Variants in SLC12A2 observed in about 807,000 individuals in gnomAD.
SLC12A2 encodes Na-K-2Cl cotransporter 1.
In SLC12A2, 67 loss-of-function variants were observed where a neutral mutation model predicts 136.3. The observed-to-expected ratio is 0.49, with a 90% CI of 0.40 to 0.60. SLC12A2 has a LOEUF of 0.60. SLC12A2 is among the 20% of genes least tolerant of loss of function. The pLI is 0.00. For missense variants in SLC12A2, 1,322 were observed against 1,534.7 expected (o/e 0.86, Z 2.32); for synonymous variants, 619 against 562.9 (o/e 1.10, Z -1.41).
rs1293412288 is a variant in SLC12A2 at position 128,112,828 on chromosome 5, T to C, written c.771T>C (p.Asp257=). The C allele has an allele frequency of 3.7e-6, 6 of 1,609,390 alleles. No homozygotes were observed. In the African/African-American group the frequency reaches 8.0e-5, roughly 22 times the overall value. The change falls in exon 2 of 27, where the codon GAT becomes GAC. Residue 257 remains aspartate, a synonymous_variant. Coordinates refer to ENST00000262461, the MANE Select transcript of SLC12A2 (RefSeq NM_001046.3). ...HDELEKEPFE[D]GFANGEESTP... is the part of the protein sequence containing the mutation. ...TTTATAACCAGGAACCTTTTGAGGA[T>C]GGCTTTGCAAATGGGGAAGAAAGTA...
At chr5:128,140,892 A>ACT (rs2126711143) in intron 9 of SLC12A2, among the ~76,000 whole-genome samples, 1 of 151,582 alleles carries the variant, frequency 6.6e-6, no homozygotes, top group East Asian at 1.9e-4. Context: ...AAAACAAAGA[A>ACT]CTGTATAGTC....
chr5:128,149,956 G>A (rs1762646482), intron 12 of SLC12A2, 41 bp from the exon 13 acceptor site: 2 of 1,307,812 alleles, frequency 1.5e-6, no homozygotes, highest in Non-Finnish European at 2.2e-6. Context: ...AAAGTTAAAT[G>A]TCTAATACGT....
At chr5:128,121,610 C>T in intron 4 of SLC12A2, among the ~76,000 whole-genome samples, 1 of 152,160 alleles carries the variant, frequency 6.6e-6, no homozygotes, top group East Asian at 1.9e-4. Context: ...GCTTGAGACA[C>T]TGCGCCCGGC....
intron 1 of SLC12A2, among the ~76,000 whole-genome samples, chr5:128,092,299 A>C (rs944323900): frequency 1.3e-5 from 2 of 152,230 alleles, no homozygotes; most frequent in Non-Finnish European, 2.9e-5. Flanking sequence ...GAACCATTGC[A>C]GTAGCCAAGA....
chr5:128,167,054 G>A (rs1027406654), intron 17 of SLC12A2, among the ~76,000 whole-genome samples: 6 of 151,782 alleles, frequency 4.0e-5, no homozygotes, highest in East Asian at 1.9e-4. Context: ...ACTTTATATT[G>A]TATTAGCTAT....
intron 1 of SLC12A2, among the ~76,000 whole-genome samples, chr5:128,086,199 G>A (rs949656959): frequency 2.0e-5 from 3 of 152,112 alleles, no homozygotes; most frequent in African/African-American, 7.2e-5. Context: ...CCAATTGAAA[G>A]GTATATATGT....
chr5:128,083,826 C>A lies in SLC12A2; in HGVS notation c.-129C>A, dbSNP rs929844498. Reference sequence around the variant, plus strand: ...GTGGCCGTCCAGGCTAGCGGCGGCCCGCAGGCGGCGGGGAGAAAGACTCTC... The same window carrying A: ...GTGGCCGTCCAGGCTAGCGGCGGCCAGCAGGCGGCGGGGAGAAAGACTCTC... On this transcript the variant is annotated 5_prime_UTR_variant, in exon 1 of 27. Transcript: ENST00000262461. The A allele has an allele frequency of 1.4e-6, 1 of 707,666 alleles. No individual in the cohort carries two copies. Among genetic ancestry groups the A allele is most frequent in the Non-Finnish European group, 1.9e-6 (1 of 516,144 alleles). 43.8% of individuals were successfully genotyped at this position (707,666 alleles called of 1,614,324 possible). A position where few individuals can be genotyped will look rare whatever the true frequency, so the allele number is the denominator to read the frequency against.
chr5:128,111,764 C>CA (rs374353989), intron 1 of SLC12A2, among the ~76,000 whole-genome samples: 622 of 60,026 alleles, frequency 0.01, 5 homozygotes, highest in African/African-American at 0.024. Flanking sequence ...GACTCCATCT[C>CA]AAAAAAAAAA....
chr5:128,116,000 T>C (rs1190845724), intron 4 of SLC12A2, among the ~76,000 whole-genome samples: 1 of 152,062 alleles, frequency 6.6e-6, no homozygotes, highest in African/African-American at 2.4e-5. Flanking sequence ...TATTGGGATA[T>C]ACAGTGTGGA....
intron 23 of SLC12A2, among the ~76,000 whole-genome samples, chr5:128,182,225 A>C (rs1432012774): frequency 6.6e-6 from 1 of 152,150 alleles, no homozygotes; most frequent in African/African-American, 2.4e-5. Flanking sequence ...ATTACAAATA[A>C]AATTGCATTT....
rs1760093557 is a variant in SLC12A2 at position 128,086,194 on chromosome 5, T to A, written c.756+1484T>A. Among the ~76,000 whole-genome samples the A allele has an allele frequency of 1.3e-5, 2 of 152,202 alleles. 1 individual carries two copies. The highest frequency in any genetic ancestry group is 4.1e-4 in the South Asian group (2 of 4,834). On this transcript the variant is annotated intron_variant, in intron 1 of 26. Transcript: ENST00000262461. ...CATAAGTTTTAGAAAGACATCCAATTGAAAGGTATATATGTTGAGCTTATA... is the reference window on the plus strand; with the variant it reads ...CATAAGTTTTAGAAAGACATCCAATAGAAAGGTATATATGTTGAGCTTATA...
rs376774055 is a variant in SLC12A2 at position 128,126,965 on chromosome 5, TA to T, written c.1049-4101del. The stretch of plus-strand genomic sequence containing the variant: ...ACATATATATATATATATATATATA[TA>T]TTTTTTTTTTTTTTTTTTTTTGCAT... On this transcript the variant is annotated intron_variant, in intron 4 of 26. Coordinates refer to ENST00000262461, the MANE Select transcript of SLC12A2 (RefSeq NM_001046.3). Among the ~76,000 whole-genome samples, 66 of 53,148 alleles carry T rather than the reference TA, an allele frequency of 1.2e-3. 1 individual carries two copies. The highest frequency in any genetic ancestry group is 6.6e-3 in the East Asian group (18 of 2,718). The allele number at this position is 53,148 out of a possible 152,430, so 34.9% of individuals were successfully genotyped here. A position where few individuals can be genotyped will look rare whatever the true frequency, so the allele number is the denominator to read the frequency against.
chr5:128,145,328 A>G (rs1181000840), intron 10 of SLC12A2, among the ~76,000 whole-genome samples: 1 of 152,030 alleles, frequency 6.6e-6, no homozygotes, highest in African/African-American at 2.4e-5. Context: ...CTTTCTTTGT[A>G]CTTAATTTAA....
At chr5:128,152,452 G>A (rs1339083874) in intron 14 of SLC12A2, among the ~76,000 whole-genome samples, 1 of 152,122 alleles carries the variant, frequency 6.6e-6, no homozygotes, top group African/African-American at 2.4e-5. Flanking sequence ...CTCTTTCAGA[G>A]TTGTATGCAC....
chr5:128,184,973 G>A, intron 26 of SLC12A2, 117 bp downstream of exon 26: 7 of 851,042 alleles, frequency 8.2e-6, no homozygotes, highest in South Asian at 1.9e-5. Flanking sequence ...GTTATAAGGA[G>A]GAAAAAACAA....
chr5:128,162,592 A>T (rs1440087556), intron 17 of SLC12A2, among the ~76,000 whole-genome samples: 3 of 152,182 alleles, frequency 2.0e-5, no homozygotes, highest in African/African-American at 7.2e-5. Flanking sequence ...TCTAAAGAAA[A>T]CATGAAAATA....
At chr5:128,126,064 G>T (rs575971978) in intron 4 of SLC12A2, among the ~76,000 whole-genome samples, 118 of 152,278 alleles carry the variant, frequency 7.7e-4, no homozygotes, top group Non-Finnish European at 9.9e-4. Flanking sequence ...TAGCTTCACA[G>T]TAAGTCCTAA....
chr5:128,138,872 A>G lies in SLC12A2; in HGVS notation c.1585A>G (p.Thr529Ala). ...PKGTLLAILITTLVYVGIAVS... is the reference protein window; with the variant it reads ...PKGTLLAILIATLVYVGIAVS... ...AGGAACACTCCTAGCCATTTTAATTACTACATTGGTTTACGTAGGAATTGC... is the reference window on the plus strand; with the variant it reads ...AGGAACACTCCTAGCCATTTTAATTGCTACATTGGTTTACGTAGGAATTGC... Residue 529 changes from threonine (T) to alanine (A), a missense_variant, in exon 9 of 27, where the codon ACT becomes GCT. Physicochemically the swap from Thr to Ala is moderately conservative, Grantham distance 58 (BLOSUM62 0). Coordinates refer to ENST00000262461, the MANE Select transcript of SLC12A2 (RefSeq NM_001046.3). 3 of 1,612,946 alleles carry G rather than the reference A, an allele frequency of 1.9e-6. No homozygotes were observed. The highest frequency in any genetic ancestry group is 2.5e-6 in the Non-Finnish European group (3 of 1,179,226).
At chr5:128,132,110 TATTTCC>T (rs1169275615) in intron 5 of SLC12A2, among the ~76,000 whole-genome samples, 1 of 152,208 alleles carries the variant, frequency 6.6e-6, no homozygotes, top group African/African-American at 2.4e-5. Context: ...AGAAGGGTCT[TATTTCC>T]ATTGAAGTTA....
Sources: gnomAD v4.1 joint callset for allele counts (sites outside exome capture counted in the v4.1 genomes callset) on GRCh38, gnomAD v4.1.1 for gene constraint, MANE v1.5 for transcripts, NCBI Gene and HGNC (gene_info 2026-07-23, HGNC 2026-07-21) for gene names.